Variants in MTR observed in about 807,000 individuals in gnomAD.
MTR encodes the protein methionine synthase.
A neutral mutation model predicts 154.8 loss-of-function variants in MTR; 84 were observed. That is an observed-to-expected ratio of 0.54 (90% CI 0.45 to 0.65). The LOEUF is 0.65. Among genes scored for constraint, MTR ranks in the 30% least tolerant of loss-of-function variants. The pLI, the probability that MTR is intolerant of heterozygous loss-of-function variation, is 0.00. For synonymous variants in MTR, 554 were observed against 553.9 expected, an observed-to-expected ratio of 1.00 and a Z score of 0.00; for missense variants, 1,275 against 1,570.2, an observed-to-expected ratio of 0.81 and a Z score of 3.18.
At chr1:236,864,104 T>TC (rs1463096527) in intron 22 of MTR, among the ~76,000 whole-genome samples, 1 of 152,214 alleles carries the variant, frequency 6.6e-6, no homozygotes, top group Non-Finnish European at 1.5e-5. Flanking sequence ...AATTAATAAA[T>TC]ATTCATAACA....
chr1:236,837,885 T>C (rs1370063891), intron 14 of MTR, among the ~76,000 whole-genome samples: 1 of 152,240 alleles, frequency 6.6e-6, no homozygotes. Flanking sequence ...GTTTTGTCCT[T>C]TATTTTAGTT....
intron 18 of MTR, among the ~76,000 whole-genome samples, chr1:236,856,734 A>C (rs926899773): frequency 6.6e-5 from 10 of 151,782 alleles, no homozygotes; most frequent in South Asian, 6.2e-4. Context: ...CCCTGTGTCC[A>C]TGTGTTCTCA....
chr1:236,890,984 C>T (rs1454028451), intron 28 of MTR, 149 bp from the exon 29 acceptor site: 5 of 894,058 alleles, frequency 5.6e-6, no homozygotes, highest in African/African-American at 3.3e-5. Context: ...TAAGCTGGGT[C>T]AGTGGCAAAC....
chr1:236,895,602 T>A, intron 31 of MTR, 52 bp downstream of exon 31: 1 of 1,531,356 alleles, frequency 6.5e-7, no homozygotes, highest in African/African-American at 1.4e-5. Context: ...GTAGATACTC[T>A]TATCAGCATA....
chr1:236,796,808 C>T (rs976359272), intron 1 of MTR, among the ~76,000 whole-genome samples: 1 of 133,942 alleles, frequency 7.5e-6, no homozygotes, highest in African/African-American at 2.8e-5. Context: ...TAAATGTAAA[C>T]CTCCCTATAA....
intron 15 of MTR, among the ~76,000 whole-genome samples, chr1:236,848,636 G>T (rs948258617): frequency 6.6e-6 from 1 of 152,028 alleles, no homozygotes; most frequent in East Asian, 1.9e-4. Flanking sequence ...ACGAAAGCTC[G>T]CCACCTTCCC....
Position 236,894,427 on chromosome 1 carries a change from G to T in MTR, c.3275G>T (p.Gly1092Val). The change falls in exon 30 of 33, where the codon GGC becomes GTC. Residue 1092 changes from glycine to valine, a missense_variant. Gly to Val is a moderately radical substitution (Grantham distance 109). Coordinates refer to ENST00000366577, the MANE Select transcript of MTR (RefSeq NM_000254.3). The stretch of plus-strand genomic sequence containing the variant: ...GACTTCATCGCTCCCTTGCATTCTG[G>T]CATCCGTGACTACCTGGGCCTGTTT... Reference protein sequence around the residue: ...LSDFIAPLHSGIRDYLGLFAV... With the variant: ...LSDFIAPLHSVIRDYLGLFAV... The T allele has an allele frequency of 6.2e-7, 1 of 1,614,178 alleles. No homozygotes were observed. The highest frequency in any genetic ancestry group is 8.5e-7 in the Non-Finnish European group (1 of 1,180,028).
rs77455506 is a variant in MTR at position 236,803,901 on chromosome 1, G to T, written c.249+259G>T. ...AACTATGAGAATCTGGACAAATAAG[G>T]GTTTTCACACTAGTGAGTGTGAGAA... On this transcript the variant is annotated intron_variant, in intron 2 of 32. Transcript: ENST00000366577. 7.1e-3 allele frequency among the ~76,000 whole-genome samples: 1,086 copies of T among 152,214 alleles called. 4 individuals are homozygous for T. Among genetic ancestry groups the T allele is most frequent in the Middle Eastern group, 0.014 (4 of 294 alleles).
At chr1:236,895,617 C>A in intron 31 of MTR, 67 bp downstream of exon 31, 2 of 1,485,632 alleles carry the variant, frequency 1.3e-6, no homozygotes, top group Non-Finnish European at 1.8e-6. Flanking sequence ...AGCATACTGG[C>A]ACTTAGGGTT....
At chr1:236,819,980 C>A (rs751464962) in intron 8 of MTR, 15 of 1,142,896 alleles carry the variant, frequency 1.3e-5, no homozygotes, top group South Asian at 2.4e-5. Context: ...TCCAGGCAGC[C>A]TTCCGGGAGC....
rs149114317 is a variant in MTR, at chr1:236,863,540, C to T, written c.2391C>T (p.Gly797=). 5 of 1,613,884 alleles carry T rather than the reference C, an allele frequency of 3.1e-6. No homozygotes were observed. Among genetic ancestry groups the T allele is most frequent in the Admixed American group, 1.7e-5 (1 of 59,992 alleles). Residue 797 remains glycine, a synonymous_variant, in exon 22 of 33, where the codon GGC becomes GGT. Coordinates refer to ENST00000366577, the MANE Select transcript of MTR (RefSeq NM_000254.3). ...AGAACATAGTTGGAGTAGTCCTTGG[C>T]TGCAATAATTTCCGGTAAGTTAGGA... ...IGKNIVGVVL[G]CNNFRVIDLG...
intron 31 of MTR, among the ~76,000 whole-genome samples, chr1:236,896,109 A>C (rs759197887): frequency 2.0e-5 from 3 of 152,208 alleles, no homozygotes; most frequent in Non-Finnish European, 2.9e-5. Flanking sequence ...ACAAGCTGGC[A>C]TGTGCCTTTC....
chr1:236,851,685 A>G (rs777306179), intron 16 of MTR, among the ~76,000 whole-genome samples: 1 of 152,252 alleles, frequency 6.6e-6, no homozygotes, highest in Non-Finnish European at 1.5e-5. Flanking sequence ...CAAAATAGTA[A>G]GAATTGACTG....
At chr1:236,882,256 G>A (rs1174097498) in intron 25 of MTR, among the ~76,000 whole-genome samples, 2 of 152,140 alleles carry the variant, frequency 1.3e-5, no homozygotes, top group African/African-American at 2.4e-5. Context: ...AAACACTGAT[G>A]TATAGCCCTG....
chr1:236,877,145 C>T (rs968547307), intron 24 of MTR, among the ~76,000 whole-genome samples: 8 of 152,356 alleles, frequency 5.3e-5, no homozygotes, highest in African/African-American at 1.9e-4. Flanking sequence ...AACCTCCAAG[C>T]ACTTCACTGT....
intron 15 of MTR, among the ~76,000 whole-genome samples, chr1:236,847,953 T>C (rs1033420028): frequency 2.0e-5 from 3 of 152,202 alleles, no homozygotes; most frequent in African/African-American, 7.2e-5. Context: ...AGACAGAAGC[T>C]TGGTGAACCT....
intron 2 of MTR, among the ~76,000 whole-genome samples, chr1:236,805,686 CAG>C (rs1660941794): frequency 6.6e-6 from 1 of 152,070 alleles, no homozygotes; most frequent in South Asian, 2.1e-4. Flanking sequence ...TGGTTAGAGA[CAG>C]GGTCTTTCTA....
At chr1:236,800,443 C>G (rs546959260) in intron 1 of MTR, 1 of 985,302 alleles carries the variant, frequency 1.0e-6, no homozygotes, top group South Asian at 4.7e-5. Context: ...CAGCTACATC[C>G]TTTTGAGAAG....
rs1193297134 is a variant in MTR, at chr1:236,902,572, C to T, written c.*4928C>T. ...GGATGGAGAGCAGACTGTAAAGCCTCATGAGGGCAGGGGCCCTGCCTCTTC... is the reference window on the plus strand; with the variant it reads ...GGATGGAGAGCAGACTGTAAAGCCTTATGAGGGCAGGGGCCCTGCCTCTTC... On this transcript the variant is annotated 3_prime_UTR_variant, in exon 33 of 33. Transcript: ENST00000366577. 3 of 151,956 alleles carry T rather than the reference C, an allele frequency of 2.0e-5. No homozygotes were observed. The highest frequency in any genetic ancestry group is 2.0e-4 in the Admixed American group (3 of 15,252). The allele number at this position is 151,956 out of a possible 1,614,324, so 9.4% of individuals were successfully genotyped here.
Sources: gnomAD v4.1 joint callset for allele counts (sites outside exome capture counted in the v4.1 genomes callset) on GRCh38, gnomAD v4.1.1 for gene constraint, MANE v1.5 for transcripts, NCBI Gene and HGNC (gene_info 2026-07-23, HGNC 2026-07-21) for gene names.